Variants in BANF2 observed in about 807,000 individuals in gnomAD.
The protein encoded by BANF2 is barrier-to-autointegration factor-like protein.
A neutral mutation model predicts 8.0 loss-of-function variants in BANF2; 4 were observed. The ratio of observed to expected loss-of-function variants is 0.50; its 90% CI spans 0.25 to 1.14. The LOEUF (loss-of-function observed/expected upper bound fraction) is 1.14. Among genes scored for constraint, BANF2 ranks in the 50% most tolerant of loss-of-function variants. The pLI, the probability that BANF2 is intolerant of heterozygous loss-of-function variation, is 0.16. For synonymous variants in BANF2, 50 were observed against 40.6 expected (o/e 1.23, Z -0.88); for missense variants, 96 against 107.5 (o/e 0.89, Z 0.47).
At chr20:17,731,144 T>C (rs1437385172) in intron 3 of BANF2, 1 of 152,234 alleles carries the variant, frequency 6.6e-6, no homozygotes, top group Admixed American at 6.5e-5. Flanking sequence ...ATGCCTGTAA[T>C]CCCAGCTACT....
At chr20:17,719,015 T>G (rs948408665) in intron 1 of BANF2, among the ~76,000 whole-genome samples, 1 of 152,200 alleles carries the variant, frequency 6.6e-6, no homozygotes, top group Non-Finnish European at 1.5e-5. Context: ...GACCCAATGC[T>G]GCAGCTCGCC....
At chr20:17,696,574 A>G (rs1373855935), upstream of BANF2, among the ~76,000 whole-genome samples, 1 of 152,102 alleles carries the variant, frequency 6.6e-6, no homozygotes, top group Non-Finnish European at 1.5e-5. Flanking sequence ...ATTTTTTCCC[A>G]GGTAAGTGTT....
At chr20:17,713,690 C>G (rs1452210490) in intron 1 of BANF2, among the ~76,000 whole-genome samples, 1 of 151,630 alleles carries the variant, frequency 6.6e-6, no homozygotes, top group Non-Finnish European at 1.5e-5. Context: ...AAAAAATTAC[C>G]CGGGTGTGGT....
intron 1 of BANF2, among the ~76,000 whole-genome samples, chr20:17,709,480 G>A (rs1600216076): frequency 6.6e-6 from 1 of 152,354 alleles, no homozygotes; most frequent in South Asian, 2.1e-4. Flanking sequence ...GATATCCTAT[G>A]AGTGGAATGA....
upstream of BANF2, among the ~76,000 whole-genome samples, chr20:17,698,233 A>C (rs2037367323): frequency 6.6e-6 from 1 of 151,926 alleles, no homozygotes; most frequent in Non-Finnish European, 1.5e-5. Context: ...ATAATAAAAA[A>C]AAAAGGTGTG....
intron 1 of BANF2, 53 bp from the exon 2 acceptor site, chr20:17,722,663 A>G: frequency 1.1e-6 from 1 of 917,920 alleles, no homozygotes; most frequent in Non-Finnish European, 1.3e-6. Flanking sequence ...TTTAAGACCC[A>G]CAGAGTCAGG....
chr20:17,725,555 G>A (rs2037796975), intron 3 of BANF2, among the ~76,000 whole-genome samples: 1 of 152,198 alleles, frequency 6.6e-6, no homozygotes, highest in Non-Finnish European at 1.5e-5. Context: ...CTGGCAATGG[G>A]CAGGTGAAGA....
chr20:17,722,670 C>T, intron 1 of BANF2, 46 bp from the exon 2 acceptor site: 4 of 937,396 alleles, frequency 4.3e-6, no homozygotes, highest in Non-Finnish European at 5.1e-6. Flanking sequence ...CCCACAGAGT[C>T]AGGGGACCCT....
intron 1 of BANF2, among the ~76,000 whole-genome samples, chr20:17,703,944 C>T (rs2122572097): frequency 6.6e-6 from 1 of 152,266 alleles, no homozygotes; most frequent in East Asian, 1.9e-4. Context: ...GATGGGATTT[C>T]ACCATGTTGG....
chr20:17,696,864 A>G (rs1438444451), upstream of BANF2, among the ~76,000 whole-genome samples: 3 of 152,294 alleles, frequency 2.0e-5, no homozygotes, highest in Admixed American at 2.0e-4. Context: ...GATTGGAAGA[A>G]TGGGAACTGG....
At chr20:17,732,294 G>T (rs969768384) in intron 3 of BANF2, among the ~76,000 whole-genome samples, 1 of 152,186 alleles carries the variant, frequency 6.6e-6, no homozygotes, top group African/African-American at 2.4e-5. Context: ...TCCCCTGCTT[G>T]GGGGCCGGCC....
At chr20:17,715,337 C>T (rs1471950232) in intron 1 of BANF2, among the ~76,000 whole-genome samples, 1 of 152,188 alleles carries the variant, frequency 6.6e-6, no homozygotes, top group Non-Finnish European at 1.5e-5. Context: ...CAGAAGACAT[C>T]GTCCTGAGGG....
At chr20:17,720,554 A>G (rs16999601) in intron 1 of BANF2, among the ~76,000 whole-genome samples, 4,938 of 152,338 alleles carry the variant, frequency 0.032, 290 homozygotes, top group African/African-American at 0.11. Flanking sequence ...CAAGTTCTAC[A>G]CAGTTCCACT....
Position 17,725,009 on chromosome 20 carries a change from C to T in BANF2, c.-3-14C>T, listed in dbSNP as rs555799531. On this transcript the variant is annotated splice_polypyrimidine_tract_variant and intron_variant, in intron 2 of 3. Transcript: ENST00000246090. ...GTATCTGCTAATCCTCCTCTCTCCC[C>T]ACTGCTGTCGCAGGAGATGGACAAC... 3 of 1,602,984 alleles carry T rather than the reference C, an allele frequency of 1.9e-6. No individual in the cohort carries two copies. The highest frequency in any genetic ancestry group is 2.6e-6 in the Non-Finnish European group (3 of 1,170,796).
chr20:17,697,815 G>A (rs2037359210), upstream of BANF2, among the ~76,000 whole-genome samples: 1 of 152,170 alleles, frequency 6.6e-6, no homozygotes, highest in Non-Finnish European at 1.5e-5. Flanking sequence ...GTGGGGCCTG[G>A]TGGGCGGTGT....
At chr20:17,733,788 C>A (rs2037936837) in intron 3 of BANF2, among the ~76,000 whole-genome samples, 1 of 152,066 alleles carries the variant, frequency 6.6e-6, no homozygotes, top group African/African-American at 2.4e-5. Flanking sequence ...ACAACTGGAC[C>A]ATGACTAAAA....
At position 17,724,986 on chromosome 20, in the gene BANF2, A is replaced by G. The variant is rs1441431082; in HGVS notation, c.-3-37A>G. ...CCATGCACACTGGGAGAAGTCAGGTATCTGCTAATCCTCCTCTCTCCCCAC... is the reference window on the plus strand; with the variant it reads ...CCATGCACACTGGGAGAAGTCAGGTGTCTGCTAATCCTCCTCTCTCCCCAC... On this transcript the variant is annotated intron_variant, in intron 2 of 3. Coordinates refer to ENST00000246090, the MANE Select transcript of BANF2 (RefSeq NM_178477.5). 20 of 1,583,850 alleles carry G rather than the reference A, an allele frequency of 1.3e-5. No homozygotes were observed. In the East Asian group the frequency reaches 4.3e-4, roughly 34 times the overall value.
chr20:17,733,762 C>T (rs1329109710), intron 3 of BANF2, among the ~76,000 whole-genome samples: 2 of 152,004 alleles, frequency 1.3e-5, no homozygotes, highest in African/African-American at 4.8e-5. Flanking sequence ...AAAATCCTGG[C>T]TTTTTTCTCT....
upstream of BANF2, among the ~76,000 whole-genome samples, chr20:17,695,752 C>T (rs764572618): frequency 2.0e-5 from 3 of 152,122 alleles, no homozygotes; most frequent in Non-Finnish European, 4.4e-5. Context: ...CAAATGTATA[C>T]ACCCGAGTAA....
Sources: allele counts gnomAD v4.1 joint callset (sites outside exome capture counted in the v4.1 genomes callset), GRCh38; gene constraint gnomAD v4.1.1; transcripts MANE v1.5; gene names NCBI Gene and HGNC (gene_info 2026-07-23, HGNC 2026-07-21).